RORA: variants seen among roughly 807,000 people sequenced by gnomAD.
RORA encodes nuclear receptor ROR-alpha.
A neutral mutation model predicts 69.5 loss-of-function variants in RORA; 7 were observed. The observed-to-expected ratio is 0.10, with a 90% CI of 0.06 to 0.19. The LOEUF is 0.19. Ranked by LOEUF, RORA falls within the 10% of genes least tolerant of loss-of-function variation. RORA has a pLI of 1.00. For missense variants in RORA, 457 were observed against 663.0 expected, an observed-to-expected ratio of 0.69 and a Z score of 3.41; for synonymous variants, 261 against 240.8, an observed-to-expected ratio of 1.08 and a Z score of -0.78.
At chr15:61,100,605 C>T (rs2078865478) in intron 1 of RORA, among the ~76,000 whole-genome samples, 1 of 152,138 alleles carries the variant, frequency 6.6e-6, no homozygotes, top group Non-Finnish European at 1.5e-5. Flanking sequence ...ATCTTCAGAG[C>T]CACCTGTGGC....
intron 2 of RORA, among the ~76,000 whole-genome samples, chr15:60,548,552 A>G (rs1330928696): frequency 6.6e-6 from 1 of 152,244 alleles, no homozygotes; most frequent in East Asian, 1.9e-4. Flanking sequence ...TTTCTGAGAA[A>G]TACTGTAAGG....
At chr15:60,549,350 G>A (rs892228091) in intron 2 of RORA, among the ~76,000 whole-genome samples, 44 of 152,062 alleles carry the variant, frequency 2.9e-4, no homozygotes, top group African/African-American at 1.0e-3. Flanking sequence ...ATTTGTTGTT[G>A]TTATTTTTCC....
intron 1 of RORA, among the ~76,000 whole-genome samples, chr15:61,038,537 G>C (rs1595904022): frequency 6.6e-6 from 1 of 152,298 alleles, no homozygotes; most frequent in African/African-American, 2.4e-5. Flanking sequence ...CATTATGTCA[G>C]TCAGTCACAC....
chr15:61,084,490 T>C (rs1260051534), intron 1 of RORA, among the ~76,000 whole-genome samples: 2 of 152,234 alleles, frequency 1.3e-5, no homozygotes, highest in East Asian at 3.8e-4. Flanking sequence ...GGTACCTAAA[T>C]ATAGGAAATA....
intron 1 of RORA, among the ~76,000 whole-genome samples, chr15:60,776,448 G>T (rs1056493251): frequency 3.3e-5 from 5 of 152,244 alleles, no homozygotes; most frequent in African/African-American, 9.6e-5. Flanking sequence ...GGCCTGGGAG[G>T]CTAGTGAGCA....
chr15:60,634,491 CCCT>C (rs1416107052), intron 2 of RORA, among the ~76,000 whole-genome samples: 1 of 151,770 alleles, frequency 6.6e-6, no homozygotes, highest in African/African-American at 2.4e-5. Context: ...TGCAACCTCC[CCCT>C]CCCGGGTTCA....
chr15:61,228,966 C>A (rs1442754766), intron 1 of RORA, 87 bp downstream of exon 1: 1 of 611,828 alleles, frequency 1.6e-6, no homozygotes, highest in Non-Finnish European at 2.0e-6. Flanking sequence ...CGCCGGACCC[C>A]GCGCCCCGGG....
intron 1 of RORA, among the ~76,000 whole-genome samples, chr15:60,791,756 C>A (rs2072420959): frequency 6.6e-6 from 1 of 152,216 alleles, no homozygotes; most frequent in Non-Finnish European, 1.5e-5. Context: ...GTGACTTTAT[C>A]TGCTGTCGAC....
At chr15:60,650,364 A>G (rs905488838) in intron 2 of RORA, among the ~76,000 whole-genome samples, 18 of 152,178 alleles carry the variant, frequency 1.2e-4, no homozygotes, top group African/African-American at 4.3e-4. Flanking sequence ...GCTGGCTTTT[A>G]TGCCTCGACC....
chr15:60,986,310 G>A (rs906596902), intron 1 of RORA, among the ~76,000 whole-genome samples: 4 of 152,044 alleles, frequency 2.6e-5, no homozygotes, highest in Admixed American at 6.6e-5. Context: ...ATTTTTGTAT[G>A]TTTAGTAGAG....
At chr15:60,530,799 C>T (rs2066503784) in intron 3 of RORA, 1 of 152,146 alleles carries the variant, frequency 6.6e-6, no homozygotes. Flanking sequence ...CCTCAAAAAG[C>T]CTTAGGGCTG....
intron 1 of RORA, among the ~76,000 whole-genome samples, chr15:61,130,277 A>C (rs1215832240): frequency 6.6e-6 from 1 of 152,228 alleles, no homozygotes; most frequent in Non-Finnish European, 1.5e-5. Context: ...TACACATCTG[A>C]TTTCTGATGC....
chr15:60,705,565 C>G (rs1031704897), intron 1 of RORA, among the ~76,000 whole-genome samples: 1 of 152,204 alleles, frequency 6.6e-6, no homozygotes, highest in East Asian at 1.9e-4. Context: ...TGATAAAGGT[C>G]GAGACAAGGC....
At chr15:60,899,547 C>G (rs1433615936) in intron 1 of RORA, among the ~76,000 whole-genome samples, 2 of 152,184 alleles carry the variant, frequency 1.3e-5, no homozygotes, top group African/African-American at 4.8e-5. Flanking sequence ...TTTAGCCACA[C>G]TTCTTTCATG....
intron 1 of RORA, among the ~76,000 whole-genome samples, chr15:60,687,110 T>C (rs1360339334): frequency 6.6e-6 from 1 of 152,118 alleles, no homozygotes; most frequent in African/African-American, 2.4e-5. Flanking sequence ...TTGAATCACC[T>C]AGAGAAGAGA....
At chr15:60,748,929 C>A (rs974146854) in intron 1 of RORA, among the ~76,000 whole-genome samples, 1 of 152,104 alleles carries the variant, frequency 6.6e-6, no homozygotes, top group Non-Finnish European at 1.5e-5. Flanking sequence ...AAGGAGTTTC[C>A]CGGTTACCTT....
intron 1 of RORA, among the ~76,000 whole-genome samples, chr15:61,121,295 G>A (rs1194939853): frequency 6.6e-6 from 1 of 152,170 alleles, no homozygotes; most frequent in Non-Finnish European, 1.5e-5. Flanking sequence ...GGAACTGGGT[G>A]GCTGTCTGCA....
intron 1 of RORA, among the ~76,000 whole-genome samples, chr15:60,784,162 T>C (rs1214061624): frequency 6.6e-6 from 1 of 152,248 alleles, no homozygotes; most frequent in Non-Finnish European, 1.5e-5. Context: ...TACTCTAAGA[T>C]AATGTCCTTT....
chr15:61,188,749 C>G (rs1332009514), intron 1 of RORA, among the ~76,000 whole-genome samples: 1 of 152,200 alleles, frequency 6.6e-6, no homozygotes, highest in Non-Finnish European at 1.5e-5. Context: ...AGTGGCCCCA[C>G]TGGTCCTCTT....
Sources: gnomAD v4.1 joint callset for allele counts (sites outside exome capture counted in the v4.1 genomes callset) on GRCh38, gnomAD v4.1.1 for gene constraint, MANE v1.5 for transcripts, NCBI Gene and HGNC (gene_info 2026-07-23, HGNC 2026-07-21) for gene names.